The following KRT20 variants were observed in gnomAD, a reference collection of about 807,000 sequenced individuals.
KRT20 encodes the protein keratin 20, also known as keratin, type I cytoskeletal 20.
Under a neutral mutation model 43.0 loss-of-function variants are expected in KRT20, and 41 were observed. That is an observed-to-expected ratio of 0.95 (90% CI 0.74 to 1.24). The LOEUF is 1.24. Among genes scored for constraint, KRT20 ranks in the 50% most tolerant of loss-of-function variants. The probability of loss-of-function intolerance (pLI) is 0.00; values close to 1 mark genes in which losing one functional copy is unlikely to be tolerated. For synonymous variants in KRT20, 207 were observed against 200.6 expected (o/e 1.03, Z -0.27); for missense variants, 533 against 521.2 (o/e 1.02, Z -0.22).
At chr17:40,884,019 TAAG>T (rs1907705873) in intron 1 of KRT20, among the ~76,000 whole-genome samples, 1 of 152,222 alleles carries the variant, frequency 6.6e-6, no homozygotes, top group Non-Finnish European at 1.5e-5. Flanking sequence ...CTTAATTAGA[TAAG>T]AACTTTAATT....
At chr17:40,879,494 C>G (rs949199274) in intron 5 of KRT20, among the ~76,000 whole-genome samples, 2 of 151,964 alleles carry the variant, frequency 1.3e-5, no homozygotes, top group Non-Finnish European at 2.9e-5. Context: ...TACAACAAAT[C>G]CCCATGACAC....
At chr17:40,883,121 A>G (rs1294740011) in intron 1 of KRT20, among the ~76,000 whole-genome samples, 1 of 152,230 alleles carries the variant, frequency 6.6e-6, no homozygotes, top group Non-Finnish European at 1.5e-5. Flanking sequence ...ACATGAAAAT[A>G]TATAGAAAAA....
chr17:40,879,928 A>C lies in KRT20; in HGVS notation c.803T>G (p.Leu268Arg). ...KEQFERQTAV[L>R]QQQVTVNTEE... ...AGTATTCACTGTGACCTGTTGCTGC[A>C]GAACTGCAGTCTACAGTGCCAAGAG... The change falls in exon 5 of 8, where the codon CTG (leucine) becomes CGG (arginine). Residue 268 changes from leucine to arginine, a missense_variant. By Grantham distance (102) the Leu-to-Arg change is moderately radical. Transcript: ENST00000167588. 6.2e-7 allele frequency: 1 copy of C among 1,613,948 alleles called. No homozygotes were observed. Among genetic ancestry groups the C allele is most frequent in the Middle Eastern group, 1.7e-4 (1 of 6,060 alleles).
chr17:40,879,730 G>C, intron 5 of KRT20, 83 bp downstream of exon 5: 5 of 1,469,326 alleles, frequency 3.4e-6, no homozygotes, highest in Non-Finnish European at 4.7e-6. Context: ...ATTTCTTGTA[G>C]GTCTTTGCAT....
rs566851391 is a variant in KRT20, at chr17:40,879,339, G to A, written c.918+474C>T. On this transcript the variant is annotated intron_variant, in intron 5 of 7. Coordinates refer to ENST00000167588, the MANE Select transcript of KRT20 (RefSeq NM_019010.3). ...TTCTCCATCTTAAAATTTTATCTTA[G>A]ATTTTGAGATCTGGTATAATGGACA... is the stretch of plus-strand genomic sequence containing the variant. 4.6e-5 allele frequency among the ~76,000 whole-genome samples: 7 copies of A among 152,270 alleles called. No homozygotes were observed. In the South Asian group the frequency reaches 1.5e-3, roughly 32 times the overall value.
rs548909271 is a variant in KRT20, at chr17:40,880,878, A to T, written c.474-108T>A. ...TTAAATGTGGCTTATGAGGAGATCA[A>T]TTTCAATACTTTATAATGTCTGCCT... On this transcript the variant is annotated intron_variant, in intron 2 of 7. Transcript: ENST00000167588. 4 of 742,338 alleles carry T rather than the reference A, an allele frequency of 5.4e-6. No individual in the cohort carries two copies. The East Asian group carries it at 1.2e-4, about 22-fold the overall frequency. The allele number at this position is 742,338 out of a possible 1,614,324, so 46.0% of individuals were successfully genotyped here.
In KRT20 at chr17:40,880,121, G is replaced by T. The variant is rs912813298; in HGVS notation, c.771C>A (p.Ala257=). Reference sequence around the variant, plus strand: ...TTACCTGTCTCTCAAACTGTTCTTTGGCCTCTTGAAGGTTCTTCTGGGCCA... The same window carrying T: ...TTACCTGTCTCTCAAACTGTTCTTTTGCCTCTTGAAGGTTCTTCTGGGCCA... ...EVMAQKNLQE[A]KEQFERQTAV... The change falls in exon 4 of 8, where the codon GCC becomes GCA. Residue 257 remains alanine (A), a synonymous_variant. Transcript: ENST00000167588. The T allele has an allele frequency of 1.2e-6, 2 of 1,613,600 alleles. No individual in the cohort carries two copies. The highest frequency in any genetic ancestry group is 1.7e-6 in the Non-Finnish European group (2 of 1,179,846).
chr17:40,876,765 G>T (rs114253486), intron 7 of KRT20, among the ~76,000 whole-genome samples: 1,672 of 152,212 alleles, frequency 0.011, 36 homozygotes, highest in African/African-American at 0.038. Flanking sequence ...GATAGCAATA[G>T]CACAGGCCAA....
At chr17:40,879,333 A>G (rs1907484760) in intron 5 of KRT20, among the ~76,000 whole-genome samples, 1 of 152,170 alleles carries the variant, frequency 6.6e-6, no homozygotes, top group African/African-American at 2.4e-5. Context: ...TTAAAATTTT[A>G]TCTTAGATTT....
intron 1 of KRT20, 35 bp from the exon 2 acceptor site, chr17:40,882,689 T>TCTTA (rs1555553991): frequency 5.7e-6 from 3 of 530,890 alleles, no homozygotes; most frequent in Admixed American, 3.8e-5. Flanking sequence ...ACATTTTCTT[T>TCTTA]TTTATTTATT....
rs1347501402 is a variant in KRT20 at position 40,880,613 on chromosome 17, C to T, written c.630+1G>A. 6.2e-6 allele frequency: 10 copies of T among 1,612,182 alleles called. No homozygotes were observed. Among genetic ancestry groups the T allele is most frequent in the South Asian group, 1.1e-5 (1 of 90,950 alleles). Reference sequence around the variant, plus strand: ...AATACCACTTCTGAATATTTTCTCACCTCCTGATGCTCCTTTTTGAGGAGA... The same window carrying T: ...AATACCACTTCTGAATATTTTCTCATCTCCTGATGCTCCTTTTTGAGGAGA... On this transcript the variant is annotated splice_donor_variant, in intron 3 of 7. Transcript: ENST00000167588. LOFTEE classifies it high-confidence loss of function.
chr17:40,877,353 GA>G, intron 7 of KRT20, 26 bp downstream of exon 7: 1 of 1,509,992 alleles, frequency 6.6e-7, no homozygotes, highest in South Asian at 1.3e-5. Context: ...GAATGTCATA[GA>G]AAATGTGCAA....
Position 40,876,252 on chromosome 17 carries a change from G to T in KRT20, c.*109C>A, listed in dbSNP as rs1907341589. 6 of 692,034 alleles carry T rather than the reference G, an allele frequency of 8.7e-6. No individual in the cohort carries two copies. The highest frequency in any genetic ancestry group is 4.1e-5 in the Admixed American group (2 of 48,324). 42.9% of individuals were successfully genotyped at this position (692,034 alleles called of 1,614,324 possible). On this transcript the variant is annotated 3_prime_UTR_variant, in exon 8 of 8. Transcript: ENST00000167588. ...CGCCACCCCACCCCTTCTAATCACT[G>T]CAGAGTATTAATAGTGCTTTCTTAT...
rs375865111 is a variant in KRT20, at chr17:40,884,827, T to C, written c.359A>G (p.Tyr120Cys). 1.9e-6 allele frequency: 3 copies of C among 1,614,184 alleles called. No individual in the cohort carries two copies. Among genetic ancestry groups the C allele is most frequent in the Non-Finnish European group, 2.5e-6 (3 of 1,180,022 alleles). ...TCGCAGCTCTTCAATTTGTCTGTAA[T>C]ATGCACTGTAGTCGCGACCAGCCCT... ...APRAGRDYSA[Y>C]YRQIEELRSQ... Residue 120 changes from tyrosine (Y) to cysteine (C), a missense_variant, in exon 1 of 8, where the codon TAT becomes TGT. Coordinates refer to ENST00000167588, the MANE Select transcript of KRT20 (RefSeq NM_019010.3).
chr17:40,880,374 A>G, intron 3 of KRT20, 113 bp from the exon 4 acceptor site: 1 of 1,056,252 alleles, frequency 9.5e-7, no homozygotes, highest in Non-Finnish European at 1.4e-6. Flanking sequence ...TAAGTAAAAA[A>G]GATATAAAAT....
At chr17:40,884,625 G>A (rs2524300) in intron 1 of KRT20, among the ~76,000 whole-genome samples, 171 bp downstream of exon 1, 101,601 of 152,122 alleles carry the variant, frequency 0.67, 35,289 homozygotes, top group East Asian at 0.99. Flanking sequence ...AGGTCATCCT[G>A]TTGTACAGTC....
rs1399732993 is a variant in KRT20, at chr17:40,879,881, C to T, written c.850G>A (p.Val284Ile). ...VNTEELKGTE[V>I]QLTELRRTSQ... ...GTGCGTCTCAGCTCCGTTAGTTGAA[C>T]CTCAGTTCCTTTTAATTCTTCAGTA... Residue 284 changes from valine to isoleucine, a missense_variant, in exon 5 of 8, where the codon GTT becomes ATT. Val to Ile is a conservative substitution (Grantham distance 29). Transcript: ENST00000167588. The T allele has an allele frequency of 6.2e-7, 1 of 1,613,406 alleles. No homozygotes were observed.
At chr17:40,881,552 C>T (rs1330531960) in intron 2 of KRT20, among the ~76,000 whole-genome samples, 2 of 152,080 alleles carry the variant, frequency 1.3e-5, no homozygotes, top group Non-Finnish European at 2.9e-5. Context: ...CATGCATGCC[C>T]TGCCCAGTTT....
chr17:40,878,633 C>A (rs1223066808), intron 5 of KRT20, among the ~76,000 whole-genome samples: 1 of 152,076 alleles, frequency 6.6e-6, no homozygotes, highest in African/African-American at 2.4e-5. Context: ...GTACTTGCTT[C>A]CCCACTGTGT....
Sources: allele counts gnomAD v4.1 joint callset (sites outside exome capture counted in the v4.1 genomes callset), GRCh38; gene constraint gnomAD v4.1.1; transcripts MANE v1.5; gene names NCBI Gene and HGNC (gene_info 2026-07-23, HGNC 2026-07-21).